The following GRIK3 variants were observed in gnomAD, a reference collection of about 807,000 sequenced individuals.
The protein encoded by GRIK3 is glutamate receptor ionotropic, kainate 3.
GRIK3 carries 29 observed loss-of-function variants against 102.5 expected under a neutral mutation model. That is an observed-to-expected ratio of 0.28 (90% CI 0.21 to 0.39). The LOEUF (loss-of-function observed/expected upper bound fraction) is 0.39, where lower values mean the gene tolerates loss of function less well. Among genes scored for constraint, GRIK3 ranks in the 10% least tolerant of loss-of-function variants. The pLI, the probability that GRIK3 is intolerant of heterozygous loss-of-function variation, is 1.00. For synonymous variants in GRIK3, 511 were observed against 504.9 expected (o/e 1.01, Z -0.16); for missense variants, 908 against 1,252.4 (o/e 0.73, Z 4.15).
chr1:37,034,109 C>T lies in GRIK3; in HGVS notation c.-1G>A, dbSNP rs755687078. 1.3e-5 allele frequency: 20 copies of T among 1,531,410 alleles called. No homozygotes were observed. The highest frequency in any genetic ancestry group is 5.7e-5 in the African/African-American group (4 of 70,360). 94.9% of individuals were successfully genotyped at this position (1,531,410 alleles called of 1,614,324 possible). The stretch of plus-strand genomic sequence containing the variant: ...GGAGGCGCCGCCAGGGAGCGGTCAT[C>T]GTTGGGCGCCGCCGAGCGTGCCCGG... On this transcript the variant is annotated 5_prime_UTR_variant, in exon 1 of 16. Transcript: ENST00000373091.
chr1:36,988,307 C>A (rs1049692469), intron 1 of GRIK3, among the ~76,000 whole-genome samples: 2 of 152,230 alleles, frequency 1.3e-5, no homozygotes, highest in Non-Finnish European at 2.9e-5. Flanking sequence ...GAAAAGAAAA[C>A]CTGAGCCTGG....
intron 1 of GRIK3, among the ~76,000 whole-genome samples, chr1:36,927,415 G>A (rs763505089): frequency 4.6e-5 from 7 of 152,182 alleles, no homozygotes; most frequent in Non-Finnish European, 1.0e-4. Context: ...GACTTTATGG[G>A]CTTTTCATTT....
intron 2 of GRIK3, among the ~76,000 whole-genome samples, chr1:36,888,321 C>T (rs943548632): frequency 4.6e-5 from 7 of 152,122 alleles, no homozygotes; most frequent in African/African-American, 1.7e-4. Flanking sequence ...ATGTAAAGTT[C>T]AAAAACAGCA....
intron 1 of GRIK3, among the ~76,000 whole-genome samples, chr1:37,027,282 A>G (rs1569583092): frequency 6.6e-6 from 1 of 152,324 alleles, no homozygotes; most frequent in Non-Finnish European, 1.5e-5. Context: ...GCTATGAGAA[A>G]CAAAAGAAAA....
At chr1:36,901,754 T>A (rs907454253) in intron 1 of GRIK3, among the ~76,000 whole-genome samples, 2 of 152,094 alleles carry the variant, frequency 1.3e-5, no homozygotes, top group Non-Finnish European at 2.9e-5. Context: ...CGAAAGAAAT[T>A]CAGATTGGGG....
chr1:36,985,814 G>A (rs980348505), intron 1 of GRIK3, among the ~76,000 whole-genome samples: 1 of 152,148 alleles, frequency 6.6e-6, no homozygotes, highest in African/African-American at 2.4e-5. Context: ...AGTTGTGTGT[G>A]GGCTCCCCGT....
At chr1:36,833,584 C>A (rs759880897) in intron 10 of GRIK3, among the ~76,000 whole-genome samples, 1 of 152,194 alleles carries the variant, frequency 6.6e-6, no homozygotes, top group Non-Finnish European at 1.5e-5. Flanking sequence ...TGGGATTGGG[C>A]GGAACCATCC....
At chr1:37,011,593 C>T (rs780914080) in intron 1 of GRIK3, among the ~76,000 whole-genome samples, 8 of 152,222 alleles carry the variant, frequency 5.3e-5, no homozygotes, top group Non-Finnish European at 1.2e-4. Flanking sequence ...CTCAGCCCAA[C>T]ACCTGCCTTT....
rs1570734361 is a variant in GRIK3 at position 36,805,651 on chromosome 1, T to C, written c.2315-414A>G. Among the ~76,000 whole-genome samples the C allele has an allele frequency of 2.0e-5, 3 of 152,116 alleles. No individual in the cohort carries two copies. In the East Asian group the frequency reaches 5.8e-4, roughly 29 times the overall value. ...TGCTTCTGGGCTGAGAAAATGTCAC[T>C]TTTGTCCAGGTGCGGTGGCTCATGC... On this transcript the variant is annotated intron_variant, in intron 14 of 15. Transcript: ENST00000373091.
chr1:36,913,432 C>T (rs1295614986), intron 1 of GRIK3, among the ~76,000 whole-genome samples: 1 of 152,118 alleles, frequency 6.6e-6, no homozygotes, highest in Admixed American at 6.5e-5. Flanking sequence ...TTATTACTTC[C>T]ATCCTCGTCT....
rs75963480 is a variant in GRIK3 at position 36,802,419 on chromosome 1, C to T, written c.2566-374G>A. ...GTTTCATCCCCATGGGCCCAACTTT[C>T]GAGCCCTGACCAAAGCACTAGCTTT... On this transcript the variant is annotated intron_variant, in intron 15 of 15. Coordinates refer to ENST00000373091, the MANE Select transcript of GRIK3 (RefSeq NM_000831.4). 5.5e-3 allele frequency among the ~76,000 whole-genome samples: 843 copies of T among 152,278 alleles called. 6 individuals are homozygous for T. The highest frequency in any genetic ancestry group is 0.019 in the African/African-American group (808 of 41,544).
intron 1 of GRIK3, among the ~76,000 whole-genome samples, chr1:36,926,048 T>A (rs1406227206): frequency 3.3e-5 from 5 of 152,334 alleles, no homozygotes; most frequent in African/African-American, 1.2e-4. Context: ...CACTGCATGA[T>A]GATTTTGGTA....
At chr1:36,942,161 G>A (rs66481378) in intron 1 of GRIK3, among the ~76,000 whole-genome samples, 28,215 of 152,196 alleles carry the variant, frequency 0.19, 2,799 homozygotes, top group Middle Eastern at 0.28. Flanking sequence ...ACTGGAAGCC[G>A]AACTCCACGG....
chr1:36,805,347 A>C, intron 14 of GRIK3, 110 bp from the exon 15 acceptor site: 8 of 1,121,140 alleles, frequency 7.1e-6, no homozygotes, highest in Non-Finnish European at 1.0e-5. Flanking sequence ...GGATCAGCTC[A>C]TGAAAGGGGG....
intron 13 of GRIK3, among the ~76,000 whole-genome samples, chr1:36,816,047 C>T (rs1326307341): frequency 6.6e-6 from 1 of 152,118 alleles, no homozygotes; most frequent in Non-Finnish European, 1.5e-5. Flanking sequence ...CCGTGCCTGG[C>T]CTGCAAGCTG....
chr1:36,998,424 A>T (rs148758119), intron 1 of GRIK3, among the ~76,000 whole-genome samples: 33 of 152,310 alleles, frequency 2.2e-4, no homozygotes, highest in African/African-American at 7.9e-4. Flanking sequence ...TCCACAAGAG[A>T]CAGCCCATGT....
rs377539410 is a variant in GRIK3, at chr1:36,951,860, G to A, written c.116-60764C>T. Reference sequence around the variant, plus strand: ...AGAGAGAAGGAGGTTGGAGGGCGGAGGGGCGGGAGGACCACAGGAGGCAGG... The same window carrying A: ...AGAGAGAAGGAGGTTGGAGGGCGGAAGGGCGGGAGGACCACAGGAGGCAGG... On this transcript the variant is annotated intron_variant, in intron 1 of 15. Coordinates refer to ENST00000373091, the MANE Select transcript of GRIK3 (RefSeq NM_000831.4). Among the ~76,000 whole-genome samples, 162 of 152,254 alleles carry A rather than the reference G, an allele frequency of 1.1e-3. 2 individuals are homozygous for A. The South Asian group carries it at 0.027, about 25-fold the overall frequency.
At chr1:36,870,045 AT>A (rs1307532624) in intron 4 of GRIK3, among the ~76,000 whole-genome samples, 9 of 152,254 alleles carry the variant, frequency 5.9e-5, no homozygotes, top group Admixed American at 2.0e-4. Context: ...TTTGGGTCAC[AT>A]TCTTCAAAGA....
intron 3 of GRIK3, among the ~76,000 whole-genome samples, chr1:36,875,397 A>G (rs1020712136): frequency 6.6e-6 from 1 of 152,212 alleles, no homozygotes; most frequent in Non-Finnish European, 1.5e-5. Context: ...GATTGCAGCC[A>G]TGACCCCAAT....
Sources: allele counts gnomAD v4.1 joint callset (sites outside exome capture counted in the v4.1 genomes callset), GRCh38; gene constraint gnomAD v4.1.1; transcripts MANE v1.5; gene names NCBI Gene and HGNC (gene_info 2026-07-23, HGNC 2026-07-21).